The following NHS variants were observed in gnomAD, a reference collection of about 807,000 sequenced individuals.
NHS encodes actin remodeling regulator NHS.
NHS carries 5 observed loss-of-function variants against 72.5 expected under a neutral mutation model. The ratio of observed to expected loss-of-function variants is 0.07; its 90% CI spans 0.04 to 0.14. NHS has a LOEUF of 0.14. Ranked by LOEUF, NHS falls within the 10% of genes least tolerant of loss-of-function variation. The pLI is 1.00. For missense variants in NHS, 1,072 were observed against 1,355.7 expected, an observed-to-expected ratio of 0.79 and a Z score of 3.29; for synonymous variants, 464 against 547.7, an observed-to-expected ratio of 0.85 and a Z score of 2.13.
intron 7 of NHS, 69 bp downstream of exon 7, chrX:17,728,397 T>C: frequency 9.9e-7 from 1 of 1,005,600 alleles, no homozygotes; most frequent in South Asian, 2.0e-5. Flanking sequence ...TTTTCTTATG[T>C]TCCCAATAAT....
intron 1 of NHS, among the ~76,000 whole-genome samples, chrX:17,428,773 C>A (rs1376073959): frequency 1.8e-5 from 2 of 111,437 alleles, no homozygotes; most frequent in Non-Finnish European, 3.8e-5. Flanking sequence ...TCAATTAATG[C>A]CCTTTTGGAA....
intron 1 of NHS, among the ~76,000 whole-genome samples, chrX:17,436,672 A>T (rs967309721): frequency 2.7e-5 from 3 of 109,223 alleles, no homozygotes; most frequent in Non-Finnish European, 3.8e-5. Context: ...TTCCTGCTGC[A>T]GGGGACCAGC....
At chrX:17,391,412 T>C (rs1352251123) in intron 1 of NHS, among the ~76,000 whole-genome samples, 6 of 112,203 alleles carry the variant, frequency 5.3e-5, no homozygotes, top group African/African-American at 1.9e-4. Flanking sequence ...ATTAAGTGAT[T>C]AATCCATGGA....
At chrX:17,451,005 G>C (rs2064803326) in intron 1 of NHS, among the ~76,000 whole-genome samples, 1 of 112,388 alleles carries the variant, frequency 8.9e-6, no homozygotes, top group South Asian at 3.7e-4. Flanking sequence ...AATGGGGCTA[G>C]TTGGGAGTGA....
intron 3 of NHS, among the ~76,000 whole-genome samples, chrX:17,716,940 G>T (rs2066367312): frequency 1.9e-5 from 2 of 107,175 alleles, no homozygotes; most frequent in Admixed American, 9.9e-5. Flanking sequence ...TTCCTCCTGA[G>T]ATCTTGAGCA....
chrX:17,500,196 A>T (rs1296203718), intron 1 of NHS, among the ~76,000 whole-genome samples: 1 of 112,098 alleles, frequency 8.9e-6, no homozygotes. Flanking sequence ...AAGTGGCATG[A>T]TGAAATTAAT....
At chrX:17,640,222 C>T (rs1162403836) in intron 1 of NHS, among the ~76,000 whole-genome samples, 1 of 111,816 alleles carries the variant, frequency 8.9e-6, no homozygotes, top group African/African-American at 3.3e-5. Flanking sequence ...CTAGTTTTCT[C>T]TGAAGCCCAC....
At chrX:17,643,599 T>C (rs2065892376) in intron 1 of NHS, among the ~76,000 whole-genome samples, 1 of 112,088 alleles carries the variant, frequency 8.9e-6, no homozygotes, top group South Asian at 3.7e-4. Context: ...ACAGAGCCAA[T>C]AGTGTCCTGT....
chrX:17,573,061 T>G (rs367965215), intron 1 of NHS, among the ~76,000 whole-genome samples: 1 of 112,452 alleles, frequency 8.9e-6, no homozygotes, highest in Non-Finnish European at 1.9e-5. Context: ...GTTAGTCTGA[T>G]GGGCTTCCCT....
At chrX:17,592,238 G>A (rs57732841) in intron 1 of NHS, among the ~76,000 whole-genome samples, 3 of 111,845 alleles carry the variant, frequency 2.7e-5, no homozygotes, top group African/African-American at 9.7e-5. Context: ...GCACAATTTA[G>A]GCTACTTTCT....
At chrX:17,545,796 C>A (rs1267282105) in intron 1 of NHS, among the ~76,000 whole-genome samples, 1 of 112,019 alleles carries the variant, frequency 8.9e-6, no homozygotes, top group Non-Finnish European at 1.9e-5. Context: ...TGCCTGACTT[C>A]TAATCTTTTG....
chrX:17,523,212 A>G (rs1408750781), intron 1 of NHS, among the ~76,000 whole-genome samples: 1 of 111,506 alleles, frequency 9.0e-6, no homozygotes, highest in Non-Finnish European at 1.9e-5. Flanking sequence ...CTCTGCAGGG[A>G]GAGAACTAGG....
At chrX:17,656,663 G>T (rs779514268) in intron 1 of NHS, among the ~76,000 whole-genome samples, 25 of 112,554 alleles carry the variant, frequency 2.2e-4, no homozygotes, top group South Asian at 1.5e-3. Flanking sequence ...TATTGCAGCT[G>T]CAGCTTTTAA....
chrX:17,390,782 T>C (rs186780402), intron 1 of NHS, among the ~76,000 whole-genome samples: 2 of 112,365 alleles, frequency 1.8e-5, no homozygotes, highest in Admixed American at 1.9e-4. Flanking sequence ...TGAAGAAAAA[T>C]ATATTGCGTA....
At chrX:17,487,638 C>T (rs764791737) in intron 1 of NHS, among the ~76,000 whole-genome samples, 2 of 111,539 alleles carry the variant, frequency 1.8e-5, no homozygotes, top group Non-Finnish European at 3.8e-5. Flanking sequence ...TGGTTACAGG[C>T]TCAGAAGGGC....
chrX:17,432,661 A>G (rs934153112), intron 1 of NHS, among the ~76,000 whole-genome samples: 1 of 112,052 alleles, frequency 8.9e-6, no homozygotes, highest in South Asian at 3.7e-4. Context: ...TCCTGTTAGG[A>G]CTTGCATGGA....
chrX:17,568,256 C>G (rs374556151), intron 1 of NHS, among the ~76,000 whole-genome samples: 2 of 111,871 alleles, frequency 1.8e-5, no homozygotes, highest in African/African-American at 6.5e-5. Context: ...GTGAGCTGTC[C>G]CATGTAGAAG....
intron 1 of NHS, among the ~76,000 whole-genome samples, chrX:17,512,174 G>A (rs1409745136): frequency 1.8e-5 from 2 of 111,480 alleles, no homozygotes; most frequent in Non-Finnish European, 3.8e-5. Flanking sequence ...CATGACAAAT[G>A]AGTTTCTAGA....
At chrX:17,499,603 G>C in intron 1 of NHS, among the ~76,000 whole-genome samples, 1 of 109,761 alleles carries the variant, frequency 9.1e-6, no homozygotes, top group South Asian at 4.0e-4. Flanking sequence ...GAGAGTTCTC[G>C]GGGGAAACCT....
Sources: allele counts gnomAD v4.1 joint callset (sites outside exome capture counted in the v4.1 genomes callset), GRCh38; gene constraint gnomAD v4.1.1; transcripts MANE v1.5; gene names NCBI Gene and HGNC (gene_info 2026-07-23, HGNC 2026-07-21).